Variants in TNPO3 observed in about 807,000 individuals in gnomAD.
The protein encoded by TNPO3 is transportin-3.
A neutral mutation model predicts 122.8 loss-of-function variants in TNPO3; 65 were observed. The observed-to-expected ratio is 0.53, with a 90% CI of 0.43 to 0.65. The LOEUF is 0.65. Among genes scored for constraint, TNPO3 ranks in the 30% least tolerant of loss-of-function variants. The pLI, the probability that TNPO3 is intolerant of heterozygous loss-of-function variation, is 0.00. For synonymous variants in TNPO3, 372 were observed against 411.2 expected (o/e 0.90, Z 1.15); for missense variants, 850 against 1,136.7 (o/e 0.75, Z 3.63).
At chr7:128,987,528 A>G (rs1800291862) in intron 11 of TNPO3, among the ~76,000 whole-genome samples, 1 of 152,200 alleles carries the variant, frequency 6.6e-6, no homozygotes, top group Non-Finnish European at 1.5e-5. Flanking sequence ...TCATCTTTTT[A>G]TCTTCTTTTA....
At chr7:128,997,349 G>C in intron 8 of TNPO3, 40 bp downstream of exon 8, 1 of 1,606,146 alleles carries the variant, frequency 6.2e-7, no homozygotes, top group Non-Finnish European at 8.5e-7. Flanking sequence ...CTGACAAGAG[G>C]AAGAAATTAA....
At chr7:129,017,913 CA>C in intron 2 of TNPO3, 43 bp downstream of exon 2, 1 of 1,585,086 alleles carries the variant, frequency 6.3e-7, no homozygotes, top group Non-Finnish European at 8.7e-7. Flanking sequence ...CTGATAAATC[CA>C]AATGGCCATA....
At chr7:129,035,253 G>A (rs1806492641) in intron 1 of TNPO3, among the ~76,000 whole-genome samples, 2 of 152,140 alleles carry the variant, frequency 1.3e-5, no homozygotes, top group African/African-American at 4.8e-5. Context: ...CGGCCTGGGC[G>A]AAAGAGCGAG....
chr7:129,032,993 T>C (rs931866276), intron 1 of TNPO3, among the ~76,000 whole-genome samples: 1 of 152,146 alleles, frequency 6.6e-6, no homozygotes, highest in Non-Finnish European at 1.5e-5. Context: ...AGCATAAAGA[T>C]GGACACACAG....
chr7:129,043,274 G>A lies in TNPO3; in HGVS notation c.120+11377C>T, dbSNP rs561967742. Among the ~76,000 whole-genome samples the A allele has an allele frequency of 7.9e-5, 12 of 151,598 alleles. No individual in the cohort carries two copies. The East Asian group carries it at 1.4e-3, about 17-fold the overall frequency. ...AAAAATTAGCAGGATGTGATGGTGC[G>A]CACCTTTGGTCTCAGCTTCAGGGGG... On this transcript the variant is annotated intron_variant, in intron 1 of 22. Transcript: ENST00000265388.
chr7:128,972,533 G>T lies in TNPO3; in HGVS notation c.2323C>A (p.Pro775Thr), dbSNP rs1798596129. The change falls in exon 19 of 23, where the codon CCT becomes ACT. Residue 775 changes from proline (P) to threonine (T), a missense_variant. Coordinates refer to ENST00000265388, the MANE Select transcript of TNPO3 (RefSeq NM_012470.4). Reference protein sequence around the residue: ...VTLLRSQVVIPILQWAIASTT... With the variant: ...VTLLRSQVVITILQWAIASTT... Reference sequence around the variant, plus strand: ...GAGGCAATGGCCCACTGTAAGATAGGGATGACCACTTGGCTCCGCAGCAAG... The same window carrying T: ...GAGGCAATGGCCCACTGTAAGATAGTGATGACCACTTGGCTCCGCAGCAAG... 1 of 1,614,132 alleles carries T rather than the reference G, an allele frequency of 6.2e-7. No homozygotes were observed. The highest frequency in any genetic ancestry group is 2.2e-5 in the East Asian group (1 of 44,886).
At chr7:129,004,865 G>C in intron 5 of TNPO3, 151 bp downstream of exon 5, 1 of 663,214 alleles carries the variant, frequency 1.5e-6, no homozygotes, top group Non-Finnish European at 2.5e-6. Context: ...CTTCTAATTT[G>C]GTACCTCGTA....
At position 128,991,996 on chromosome 7, in the gene TNPO3, C is replaced by CAG; in HGVS notation, c.1358+2_1358+3insCT. 1 of 1,589,460 alleles carries CAG rather than the reference C, an allele frequency of 6.3e-7. No individual in the cohort carries two copies. Among genetic ancestry groups the CAG allele is most frequent in the Non-Finnish European group, 8.6e-7 (1 of 1,168,500 alleles). On this transcript the variant is annotated splice_region_variant and intron_variant, in intron 10 of 22. Transcript: ENST00000265388. The stretch of plus-strand genomic sequence containing the variant: ...CCCAGCAAAAGACTTATGAGACACT[C>CAG]ACGGATCAACACTCTTTGCTATAGC...
intron 21 of TNPO3, among the ~76,000 whole-genome samples, chr7:128,959,764 G>T (rs1354384371): frequency 6.6e-6 from 1 of 152,190 alleles, no homozygotes; most frequent in African/African-American, 2.4e-5. Flanking sequence ...GCTCACACCT[G>T]TAATCGCAGC....
chr7:128,986,687 T>C lies in TNPO3; in HGVS notation c.1690+42A>G. On this transcript the variant is annotated intron_variant, in intron 12 of 22. Transcript: ENST00000265388. ...ACAGATGTAAGATTACCCCAGGTAG[T>C]GGCTTTGAGGTGACTATTAGTGGTT... 3 of 1,534,370 alleles carry C rather than the reference T, an allele frequency of 2.0e-6. No homozygotes were observed. The African/African-American group carries it at 4.2e-5, about 21-fold the overall frequency.
At chr7:129,017,179 C>T in intron 2 of TNPO3, 123 bp from the exon 3 acceptor site, 1 of 840,900 alleles carries the variant, frequency 1.2e-6, no homozygotes, top group Non-Finnish European at 1.9e-6. Context: ...AACCCCCTTC[C>T]CCCATTTCTC....
chr7:129,017,247 G>T (rs1803955000), intron 2 of TNPO3, among the ~76,000 whole-genome samples, 191 bp from the exon 3 acceptor site: 1 of 151,908 alleles, frequency 6.6e-6, no homozygotes, highest in South Asian at 2.1e-4. Context: ...ACAAATTGCT[G>T]AAATTTAAGA....
chr7:129,054,234 A>G (rs1427445356), intron 1 of TNPO3, among the ~76,000 whole-genome samples: 1 of 152,194 alleles, frequency 6.6e-6, no homozygotes, highest in East Asian at 1.9e-4. Context: ...ACTGGGAGCA[A>G]AATGCCAGAT....
chr7:128,968,661 G>T (rs777121278), intron 20 of TNPO3, among the ~76,000 whole-genome samples: 2 of 152,060 alleles, frequency 1.3e-5, no homozygotes, highest in Non-Finnish European at 2.9e-5. Context: ...CTTAATTATG[G>T]ATACATAACA....
At chr7:129,006,589 ATGAG>A (rs1197673451) in intron 4 of TNPO3, among the ~76,000 whole-genome samples, 5 of 152,230 alleles carry the variant, frequency 3.3e-5, no homozygotes, top group Non-Finnish European at 5.9e-5. Context: ...CTTGCAAGCA[ATGAG>A]TTAGAAATAT....
At chr7:129,004,727 A>G (rs1050173868) in intron 5 of TNPO3, among the ~76,000 whole-genome samples, 1 of 152,202 alleles carries the variant, frequency 6.6e-6, no homozygotes, top group African/African-American at 2.4e-5. Flanking sequence ...ACATAATTTT[A>G]TATTTTTAAA....
chr7:128,996,143 T>G (rs1388832574), intron 8 of TNPO3, among the ~76,000 whole-genome samples: 1 of 152,176 alleles, frequency 6.6e-6, no homozygotes, highest in Non-Finnish European at 1.5e-5. Context: ...CACGTGGGAT[T>G]TAATTGTAAG....
At chr7:128,963,258 A>C (rs1020880972) in intron 21 of TNPO3, among the ~76,000 whole-genome samples, 4 of 152,206 alleles carry the variant, frequency 2.6e-5, no homozygotes, top group Admixed American at 2.0e-4. Flanking sequence ...CAAGATTCAA[A>C]CCAACATACT....
chr7:128,974,123 G>A (rs1303506278), intron 18 of TNPO3, among the ~76,000 whole-genome samples: 1 of 149,642 alleles, frequency 6.7e-6, no homozygotes, highest in South Asian at 2.1e-4. Context: ...GCAGTGAGCC[G>A]AGATCATGCC....
Sources: gnomAD v4.1 joint callset for allele counts (sites outside exome capture counted in the v4.1 genomes callset) on GRCh38, gnomAD v4.1.1 for gene constraint, MANE v1.5 for transcripts, NCBI Gene and HGNC (gene_info 2026-07-23, HGNC 2026-07-21) for gene names.